Variants in FRMPD4 observed in about 807,000 individuals in gnomAD.
The protein encoded by FRMPD4 is FERM and PDZ domain containing 4, also known as FERM and PDZ domain-containing protein 4.
Under a neutral mutation model 94.1 loss-of-function variants are expected in FRMPD4, and 22 were observed. The observed-to-expected ratio is 0.23, with a 90% CI of 0.17 to 0.33. FRMPD4 has a LOEUF of 0.33. Ranked by LOEUF, FRMPD4 falls within the 10% of genes least tolerant of loss-of-function variation. FRMPD4 has a pLI of 1.00. For missense variants in FRMPD4, 1,111 were observed against 1,339.9 expected (o/e 0.83, Z 2.67); for synonymous variants, 631 against 548.6 (o/e 1.15, Z -2.10).
chrX:12,191,978 G>T (rs1046566664), intron 1 of FRMPD4, among the ~76,000 whole-genome samples: 20 of 111,407 alleles, frequency 1.8e-4, no homozygotes, highest in African/African-American at 6.2e-4. Flanking sequence ...ATTGTAGCAG[G>T]GAATATATGG....
At chrX:11,935,072 A>ATTTT (rs753999126) in intron 3 of FRMPD4, among the ~76,000 whole-genome samples, 1,429 of 40,178 alleles carry the variant, frequency 0.036, 175 homozygotes, top group African/African-American at 0.15. Context: ...ACTATTGGTG[A>ATTTT]TTTTTTTTTT....
intron 3 of FRMPD4, among the ~76,000 whole-genome samples, chrX:12,089,745 G>A (rs1408900119): frequency 8.9e-6 from 1 of 111,888 alleles, no homozygotes; most frequent in East Asian, 2.8e-4. Context: ...TTATTAAATA[G>A]ATGGATAGTG....
At chrX:12,661,216 G>A (rs2059709849) in intron 4 of FRMPD4, among the ~76,000 whole-genome samples, 1 of 112,434 alleles carries the variant, frequency 8.9e-6, no homozygotes, top group Non-Finnish European at 1.9e-5. Context: ...TGTGTTACTT[G>A]AAGGTCATCT....
At chrX:12,519,830 G>T (rs2058142293) in intron 2 of FRMPD4, among the ~76,000 whole-genome samples, 1 of 111,809 alleles carries the variant, frequency 8.9e-6, no homozygotes, top group African/African-American at 3.3e-5. Flanking sequence ...TCAGGGAAAT[G>T]CAAACCAAAA....
At chrX:12,430,320 A>T (rs751840224) in intron 1 of FRMPD4, among the ~76,000 whole-genome samples, 13 of 112,440 alleles carry the variant, frequency 1.2e-4, no homozygotes, top group Admixed American at 4.7e-4. Context: ...GACTTTCAGG[A>T]AAAGACACAC....
At chrX:12,263,839 A>T (rs911540946) in intron 1 of FRMPD4, among the ~76,000 whole-genome samples, 1 of 111,785 alleles carries the variant, frequency 8.9e-6, no homozygotes, top group African/African-American at 3.3e-5. Context: ...GTCCAATAGC[A>T]AGATGCAGAC....
rs746492564 is a variant in FRMPD4 at position 12,619,046 on chromosome X, C to T, written c.422+4165C>T. 3.6e-5 allele frequency among the ~76,000 whole-genome samples: 4 copies of T among 111,586 alleles called. No homozygotes were observed. In the South Asian group the frequency reaches 1.5e-3, roughly 43 times the overall value. On this transcript the variant is annotated intron_variant, in intron 4 of 16. Coordinates refer to ENST00000675598, the MANE Select transcript of FRMPD4 (RefSeq NM_001368397.1). The stretch of plus-strand genomic sequence containing the variant: ...AAAGCAGTTGAAGTGGAAAATTGCC[C>T]ATCCCATAATAAGAAGGTACACTGG...
chrX:12,086,467 T>C (rs1323245699), intron 3 of FRMPD4, among the ~76,000 whole-genome samples: 2 of 112,187 alleles, frequency 1.8e-5, no homozygotes, highest in African/African-American at 6.5e-5. Flanking sequence ...AAAGTTTATA[T>C]TCCTGGAATG....
chrX:12,277,018 G>A (rs2054449622), intron 1 of FRMPD4, among the ~76,000 whole-genome samples: 1 of 103,639 alleles, frequency 9.6e-6, no homozygotes, highest in Admixed American at 1.0e-4. Context: ...CTACTCGGGA[G>A]GCTGAGGCAG....
chrX:12,688,021 C>A (rs2060043744), intron 7 of FRMPD4, among the ~76,000 whole-genome samples: 1 of 112,162 alleles, frequency 8.9e-6, no homozygotes, highest in African/African-American at 3.2e-5. Context: ...TCAGACAGGA[C>A]AGTCCAAGGG....
chrX:12,004,273 A>C (rs2054539254), intron 3 of FRMPD4, among the ~76,000 whole-genome samples: 2 of 112,138 alleles, frequency 1.8e-5, no homozygotes, highest in African/African-American at 3.2e-5. Context: ...GCCAAACCAA[A>C]GCCATGGAAT....
intron 1 of FRMPD4, among the ~76,000 whole-genome samples, chrX:12,145,461 C>G (rs933054580): frequency 2.0e-4 from 23 of 112,746 alleles, no homozygotes; most frequent in African/African-American, 6.4e-4. Context: ...GTGGTGGAGT[C>G]TGGAATTAGT....
At chrX:12,084,902 G>A (rs1257331476) in intron 3 of FRMPD4, among the ~76,000 whole-genome samples, 1 of 112,052 alleles carries the variant, frequency 8.9e-6, no homozygotes, top group African/African-American at 3.2e-5. Context: ...TTAAATTTTG[G>A]TAGAGCGAGA....
chrX:12,680,346 G>C (rs1433405579), intron 5 of FRMPD4, among the ~76,000 whole-genome samples: 1 of 112,364 alleles, frequency 8.9e-6, no homozygotes, highest in Non-Finnish European at 1.9e-5. Context: ...AGGTTGCTCA[G>C]AATTAATTCA....
At chrX:12,321,319 G>A (rs377156550) in intron 1 of FRMPD4, among the ~76,000 whole-genome samples, 2 of 112,207 alleles carry the variant, frequency 1.8e-5, no homozygotes, top group Non-Finnish European at 3.8e-5. Context: ...GTGGGTAGAC[G>A]TATACAGATG....
intron 4 of FRMPD4, among the ~76,000 whole-genome samples, chrX:12,654,013 T>C (rs60621811): frequency 0.031 from 3,476 of 112,023 alleles, 143 homozygotes; most frequent in African/African-American, 0.11. Flanking sequence ...TCAGGTGATT[T>C]GCCCACCTCG....
At chrX:12,066,723 T>G (rs780457749) in intron 3 of FRMPD4, among the ~76,000 whole-genome samples, 1 of 110,127 alleles carries the variant, frequency 9.1e-6, no homozygotes, top group African/African-American at 3.3e-5. Context: ...AAAAAAAATC[T>G]GGATGGTTTT....
chrX:11,823,624 TG>T (rs2053424326), intron 1 of FRMPD4, among the ~76,000 whole-genome samples: 1 of 111,944 alleles, frequency 8.9e-6, no homozygotes, highest in Non-Finnish European at 1.9e-5. Context: ...CGGTGTGTGT[TG>T]CAGCTACTCC....
intron 3 of FRMPD4, among the ~76,000 whole-genome samples, chrX:11,929,664 GC>G (rs745613278): frequency 8.9e-6 from 1 of 112,077 alleles, no homozygotes; most frequent in African/African-American, 3.2e-5. Context: ...TCCATGTGAG[GC>G]CCTATGCAAT....
Sources: allele counts gnomAD v4.1 joint callset (sites outside exome capture counted in the v4.1 genomes callset), GRCh38; gene constraint gnomAD v4.1.1; transcripts MANE v1.5; gene names NCBI Gene and HGNC (gene_info 2026-07-23, HGNC 2026-07-21).